UTRN: variants seen among roughly 807,000 people sequenced by gnomAD.
UTRN encodes utrophin, also known as dystrophin-related protein 1.
Under a neutral mutation model 463.9 loss-of-function variants are expected in UTRN, and 283 were observed. The ratio of observed to expected loss-of-function variants is 0.61; its 90% CI spans 0.55 to 0.67. UTRN has a LOEUF of 0.67. Ranked by LOEUF, UTRN falls within the 30% of genes least tolerant of loss-of-function variation. The probability of loss-of-function intolerance (pLI) is 0.00; values close to 1 mark genes in which losing one functional copy is unlikely to be tolerated. For synonymous variants in UTRN, 1,442 were observed against 1,431.5 expected (o/e 1.01, Z -0.17); for missense variants, 3,922 against 4,084.3 (o/e 0.96, Z 1.08).
At chr6:144,439,857 C>T (rs368428824) in intron 12 of UTRN, among the ~76,000 whole-genome samples, 13 of 152,102 alleles carry the variant, frequency 8.5e-5, no homozygotes, top group African/African-American at 2.7e-4. Flanking sequence ...ATGGAAAAGG[C>T]GAGAGAATCT....
At chr6:144,796,577 G>A (rs970565095) in intron 63 of UTRN, among the ~76,000 whole-genome samples, 14 of 152,026 alleles carry the variant, frequency 9.2e-5, no homozygotes, top group Non-Finnish European at 1.6e-4. Context: ...AAAGATGTAC[G>A]AAGTTTTATA....
intron 2 of UTRN, among the ~76,000 whole-genome samples, chr6:144,393,889 A>G (rs1201251267): frequency 6.6e-6 from 1 of 152,128 alleles, no homozygotes; most frequent in Non-Finnish European, 1.5e-5. Context: ...GACGAGCTGG[A>G]GACACTTTCT....
Position 144,522,078 on chromosome 6 carries a change from A to T in UTRN, c.5640A>T (p.Leu1880Phe). Residue 1880 changes from leucine to phenylalanine, a missense_variant, in exon 40 of 75, where the codon TTA (leucine) becomes TTT (phenylalanine). Coordinates refer to ENST00000367545, the MANE Select transcript of UTRN (RefSeq NM_007124.3). ...TDYLVEINKI[L>F]LCMDDVELSL... Reference sequence around the variant, plus strand: ...ATCTGGTTGAAATTAACAAAATTTTACTTTGCATGGATGATGTTGAATTAT... The same window carrying T: ...ATCTGGTTGAAATTAACAAAATTTTTCTTTGCATGGATGATGTTGAATTAT... 6.3e-7 allele frequency: 1 copy of T among 1,594,508 alleles called. No individual in the cohort carries two copies. Among genetic ancestry groups the T allele is most frequent in the Non-Finnish European group, 8.5e-7 (1 of 1,171,922 alleles).
intron 50 of UTRN, among the ~76,000 whole-genome samples, chr6:144,558,191 C>G (rs774516243): frequency 6.6e-6 from 1 of 152,088 alleles, no homozygotes; most frequent in Non-Finnish European, 1.5e-5. Flanking sequence ...GACATGGATA[C>G]GTTTTATACA....
intron 2 of UTRN, among the ~76,000 whole-genome samples, chr6:144,315,897 C>T (rs553256715): frequency 3.3e-5 from 5 of 152,298 alleles, no homozygotes; most frequent in African/African-American, 9.6e-5. Context: ...AACGTCATGG[C>T]GCTGTGAACT....
chr6:144,359,810 A>C (rs891860097), intron 2 of UTRN, among the ~76,000 whole-genome samples: 1 of 151,064 alleles, frequency 6.6e-6, no homozygotes, highest in Admixed American at 6.6e-5. Flanking sequence ...ATTACATTTC[A>C]TCGCTTGATG....
rs932802079 is a variant in UTRN at position 144,751,703 on chromosome 6, T to C, written c.8209-103T>C. ...AGTTTGGTTGAGAAAAATCTGTGCA[T>C]ATGTGAACCCATGCAGTTCAGACCT... On this transcript the variant is annotated intron_variant, in intron 55 of 74. Coordinates refer to ENST00000367545, the MANE Select transcript of UTRN (RefSeq NM_007124.3). The C allele has an allele frequency of 5.2e-6, 6 of 1,158,686 alleles. No individual in the cohort carries two copies. The African/African-American group carries it at 9.6e-5, about 19-fold the overall frequency. The allele number at this position is 1,158,686 out of a possible 1,614,324, so 71.8% of individuals were successfully genotyped here.
chr6:144,398,045 G>T, intron 2 of UTRN: 1 of 237,510 alleles, frequency 4.2e-6, no homozygotes, highest in South Asian at 7.5e-5. Context: ...GCTGATGATT[G>T]GCATTTGTAT....
intron 25 of UTRN, among the ~76,000 whole-genome samples, chr6:144,476,096 AGAGAT>A (rs1791165892): frequency 6.7e-6 from 1 of 150,066 alleles, no homozygotes; most frequent in Non-Finnish European, 1.5e-5. Context: ...CAAAAATTGT[AGAGAT>A]GGGGTTCTTA....
At chr6:144,721,317 T>C (rs762369671) in intron 53 of UTRN, among the ~76,000 whole-genome samples, 22 of 152,204 alleles carry the variant, frequency 1.4e-4, no homozygotes, top group Non-Finnish European at 1.3e-4. Context: ...AGCCAAGCAG[T>C]CCTGCCTCAG....
intron 66 of UTRN, among the ~76,000 whole-genome samples, chr6:144,824,212 G>A (rs928827014): frequency 6.6e-6 from 1 of 151,940 alleles, no homozygotes; most frequent in African/African-American, 2.4e-5. Context: ...CAAAGTGTTT[G>A]GAGTTTATTC....
intron 61 of UTRN, among the ~76,000 whole-genome samples, chr6:144,784,683 G>A (rs1776150049): frequency 6.6e-6 from 1 of 152,214 alleles, no homozygotes; most frequent in African/African-American, 2.4e-5. Flanking sequence ...ACTTGGTTGG[G>A]AGGAAGCAGT....
Position 144,782,117 on chromosome 6 carries a change from A to G in UTRN, c.8828A>G (p.Tyr2943Cys), listed in dbSNP as rs776496765. Residue 2943 changes from tyrosine to cysteine, a missense_variant, in exon 61 of 75, where the codon TAT becomes TGT. This residue lies in a region of UTRN where 1,309 missense variants were observed against 1,452.6 expected (regional missense o/e 0.90). Transcript: ENST00000367545. Reference sequence around the variant, plus strand: ...TGTCTCAATTGGTTGCTCAATGTCTATGACACGTAAGTTTATATTTTTTCT... The same window carrying G: ...TGTCTCAATTGGTTGCTCAATGTCTGTGACACGTAAGTTTATATTTTTTCT... The part of the protein sequence containing the change: ...DMCLNWLLNV[Y>C]DTGRTGKIRV... 1.3e-6 allele frequency: 2 copies of G among 1,596,118 alleles called. No homozygotes were observed. Among genetic ancestry groups the G allele is most frequent in the Non-Finnish European group, 1.7e-6 (2 of 1,167,426 alleles).
chr6:144,703,052 A>G lies in UTRN; in HGVS notation c.7809+2809A>G, dbSNP rs1429157776. ...AGTTCAGCACTATTTCAGTAACCCAAGTGGTGGTGAATTGGAAAAGGGTAT... is the reference window on the plus strand; with the variant it reads ...AGTTCAGCACTATTTCAGTAACCCAGGTGGTGGTGAATTGGAAAAGGGTAT... On this transcript the variant is annotated intron_variant, in intron 53 of 74. Coordinates refer to ENST00000367545, the MANE Select transcript of UTRN (RefSeq NM_007124.3). Among the ~76,000 whole-genome samples the G allele has an allele frequency of 2.6e-5, 4 of 152,168 alleles. No homozygotes were observed. The East Asian group carries it at 7.7e-4, about 29-fold the overall frequency.
chr6:144,317,918 T>A (rs1775385702), intron 2 of UTRN, among the ~76,000 whole-genome samples: 1 of 152,258 alleles, frequency 6.6e-6, no homozygotes, highest in Non-Finnish European at 1.5e-5. Context: ...TTTCTGGGCT[T>A]TGTTCTGTCC....
intron 13 of UTRN, among the ~76,000 whole-genome samples, chr6:144,442,008 A>G (rs1331470717): frequency 6.6e-6 from 1 of 152,112 alleles, no homozygotes; most frequent in Non-Finnish European, 1.5e-5. Context: ...CAGCCCACAA[A>G]ACCATTTTTT....
At chr6:144,605,859 T>G (rs1449193100) in intron 51 of UTRN, among the ~76,000 whole-genome samples, 1 of 152,164 alleles carries the variant, frequency 6.6e-6, no homozygotes, top group East Asian at 1.9e-4. Flanking sequence ...GACAGCTTTT[T>G]ACTCTTATTT....
Position 144,380,988 on chromosome 6 carries a change from CT to C in UTRN, c.80-22124del, listed in dbSNP as rs879862142. 2.6e-3 allele frequency among the ~76,000 whole-genome samples: 370 copies of C among 145,072 alleles called. 1 individual carries two copies. The highest frequency in any genetic ancestry group is 3.4e-3 in the Non-Finnish European group (226 of 65,508). On this transcript the variant is annotated intron_variant, in intron 2 of 74. Coordinates refer to ENST00000367545, the MANE Select transcript of UTRN (RefSeq NM_007124.3). ...AAGCAATTCCTTTCTTTTTTTCTTT[CT>C]TTTTTTTTTTCATTTGAAGGATTTC...
In UTRN at chr6:144,490,127, T is replaced by C. The variant is rs752923059; in HGVS notation, c.4191T>C (p.Asn1397=). Residue 1397 remains asparagine, a synonymous_variant, in exon 31 of 75, where the codon AAT becomes AAC. Coordinates refer to ENST00000367545, the MANE Select transcript of UTRN (RefSeq NM_007124.3). ...TAACCCTAGAGGAGTTGAGAAGAAA[T>C]ATGCGTTCTCAGCCCCTGACCTCCC... The part of the protein sequence containing the change: ...HELTLEELRR[N]MRSQPLTSPE... 1.9e-6 allele frequency: 3 copies of C among 1,613,344 alleles called. No individual in the cohort carries two copies. The highest frequency in any genetic ancestry group is 2.5e-6 in the Non-Finnish European group (3 of 1,179,768).
Sources: gnomAD v4.1 joint callset for allele counts (sites outside exome capture counted in the v4.1 genomes callset) on GRCh38, gnomAD v4.1.1 for gene constraint, gnomAD v4.1.1 regional missense constraint, MANE v1.5 for transcripts, NCBI Gene and HGNC (gene_info 2026-07-23, HGNC 2026-07-21) for gene names.